The following IQSEC1 variants were observed in gnomAD, a reference collection of about 807,000 sequenced individuals.
The protein encoded by IQSEC1 is IQ motif and SEC7 domain-containing protein 1.
IQSEC1 carries 31 observed loss-of-function variants against 91.0 expected under a neutral mutation model. That is an observed-to-expected ratio of 0.34 (90% CI 0.26 to 0.46). IQSEC1 has a LOEUF of 0.46. Among genes scored for constraint, IQSEC1 ranks in the 20% least tolerant of loss-of-function variants. The probability of loss-of-function intolerance (pLI) is 1.00; values close to 1 mark genes in which losing one functional copy is unlikely to be tolerated. For missense variants in IQSEC1, 1,388 were observed against 1,575.6 expected, an observed-to-expected ratio of 0.88 and a Z score of 2.02; for synonymous variants, 699 against 662.6, an observed-to-expected ratio of 1.05 and a Z score of -0.84.
At chr3:13,029,580 T>C (rs886291075) in intron 1 of IQSEC1, among the ~76,000 whole-genome samples, 2 of 152,262 alleles carry the variant, frequency 1.3e-5, no homozygotes, top group African/African-American at 2.4e-5. Flanking sequence ...CATTTTGTTG[T>C]GCTGAGAGGC....
chr3:13,076,174 A>G (rs1362077294), upstream of IQSEC1, among the ~76,000 whole-genome samples: 2 of 152,202 alleles, frequency 1.3e-5, no homozygotes, highest in East Asian at 3.8e-4. Context: ...GACCCTGGTT[A>G]TATCACAGAA....
chr3:13,243,808 G>T (rs1695063506), intron 1 of IQSEC1, among the ~76,000 whole-genome samples: 1 of 151,938 alleles, frequency 6.6e-6, no homozygotes, highest in Non-Finnish European at 1.5e-5. Context: ...GGGGCGTATG[G>T]CAGAATGGGA....
Position 13,071,143 on chromosome 3 carries a change from G to GTT in IQSEC1, c.23+1847_23+1848dup, listed in dbSNP as rs1553563495. ...AATGTCTGGGGGTGGGACCCACACA[G>GTT]TTTTTTTTTGTTTTTTTTTTTTTGT... is the stretch of plus-strand genomic sequence containing the variant. On this transcript the variant is annotated intron_variant, in intron 1 of 13. Transcript: ENST00000613206. Among the ~76,000 whole-genome samples the GTT allele has an allele frequency of 3.1e-3, 352 of 112,654 alleles. 12 individuals carry two copies. The highest frequency in any genetic ancestry group is 0.017 in the South Asian group (54 of 3,182). 73.9% of individuals were successfully genotyped at this position (112,654 alleles called of 152,430 possible).
intron 1 of IQSEC1, among the ~76,000 whole-genome samples, chr3:12,985,837 T>G (rs993755609): frequency 1.3e-5 from 2 of 152,260 alleles, no homozygotes; most frequent in Admixed American, 1.3e-4. Context: ...ATTTTCATCA[T>G]GGGCCTGTAT....
chr3:13,005,690 A>G (rs1018482785), intron 1 of IQSEC1, among the ~76,000 whole-genome samples: 23 of 152,330 alleles, frequency 1.5e-4, no homozygotes, highest in Admixed American at 1.3e-3. Flanking sequence ...GTGAACATTT[A>G]AATAGCCACC....
intron 1 of IQSEC1, among the ~76,000 whole-genome samples, chr3:13,031,241 C>A (rs942259786): frequency 6.6e-6 from 1 of 152,356 alleles, no homozygotes; most frequent in Admixed American, 6.5e-5. Context: ...GGCCACACAG[C>A]ACATTCTCTC....
At chr3:13,162,918 G>T (rs1054609758) in intron 2 of IQSEC1, among the ~76,000 whole-genome samples, 1 of 147,402 alleles carries the variant, frequency 6.8e-6, no homozygotes, top group Non-Finnish European at 1.5e-5. Flanking sequence ...TATCCCTTTA[G>T]CTCCCACTCT....
At chr3:13,112,144 G>A (rs979980630) in intron 2 of IQSEC1, among the ~76,000 whole-genome samples, 6 of 152,172 alleles carry the variant, frequency 3.9e-5, no homozygotes, top group Admixed American at 3.9e-4. Context: ...CACCTCCCCT[G>A]GAGCCATTCC....
In IQSEC1 at chr3:13,094,572, T is replaced by G. The variant is rs1705923022; in HGVS notation, c.303-47050A>C. The stretch of plus-strand genomic sequence containing the variant: ...TCTCCTCCTGACACCCCCCACCTGG[T>G]GCCAGACCCTGCACTAAGTACTGTT... On this transcript the variant is annotated intron_variant, in intron 2 of 15. Transcript: ENST00000648114. Among the ~76,000 whole-genome samples, 2 of 152,172 alleles carry G rather than the reference T, an allele frequency of 1.3e-5. 1 individual carries two copies. Among genetic ancestry groups the G allele is most frequent in the South Asian group, 4.1e-4 (2 of 4,824 alleles).
intron 2 of IQSEC1, among the ~76,000 whole-genome samples, chr3:13,145,419 G>A (rs568949497): frequency 1.3e-5 from 2 of 152,106 alleles, no homozygotes; most frequent in Non-Finnish European, 2.9e-5. Flanking sequence ...ATCTGCAGTC[G>A]GTACTCATGC....
rs80076217 is a variant in IQSEC1, at chr3:13,043,505, C to T, written c.23+29487G>A. Among the ~76,000 whole-genome samples, 308 of 152,334 alleles carry T rather than the reference C, an allele frequency of 2.0e-3. 2 individuals carry two copies. The highest frequency in any genetic ancestry group is 7.0e-3 in the African/African-American group (290 of 41,570). ...CACTTCCTGCAGCTCCGCTCCTCCT[C>T]GTCAGTCAGGTCCCACTCCAGCACC... On this transcript the variant is annotated intron_variant, in intron 1 of 13. Coordinates refer to ENST00000613206, the MANE Select transcript of IQSEC1 (RefSeq NM_001134382.3).
intron 1 of IQSEC1, among the ~76,000 whole-genome samples, chr3:13,185,678 G>A (rs752389370): frequency 8.5e-5 from 13 of 152,344 alleles, no homozygotes; most frequent in African/African-American, 4.8e-5. Flanking sequence ...TGGGGAACCC[G>A]AGGTTCACAG....
At chr3:13,197,816 C>T (rs2125044125) in intron 1 of IQSEC1, among the ~76,000 whole-genome samples, 1 of 152,330 alleles carries the variant, frequency 6.6e-6, no homozygotes, top group Non-Finnish European at 1.5e-5. Flanking sequence ...CCGAATTAGG[C>T]TTTAGTACAG....
upstream of IQSEC1, among the ~76,000 whole-genome samples, chr3:13,075,752 A>T (rs1705552545): frequency 6.6e-6 from 1 of 152,220 alleles, no homozygotes; most frequent in South Asian, 2.1e-4. Flanking sequence ...ACCCACCTGC[A>T]CTGGCGCGGT....
intron 1 of IQSEC1, among the ~76,000 whole-genome samples, chr3:13,218,808 C>T (rs1014811077): frequency 2.0e-5 from 3 of 152,312 alleles, no homozygotes; most frequent in Admixed American, 6.5e-5. Context: ...CCAGCTTCAG[C>T]ATGACTTCTC....
chr3:12,973,945 G>A (rs761227228), intron 1 of IQSEC1, among the ~76,000 whole-genome samples: 5 of 152,132 alleles, frequency 3.3e-5, no homozygotes, highest in South Asian at 2.1e-4. Flanking sequence ...CCTAAGACCC[G>A]TCGTGGTTTG....
chr3:13,015,708 C>T (rs1482137048), intron 1 of IQSEC1: 10 of 985,276 alleles, frequency 1.0e-5, no homozygotes, highest in East Asian at 1.1e-4. Context: ...CCTGCTCAGT[C>T]GGCATCCAGG....
At chr3:13,169,468 A>T (rs887839043) in intron 1 of IQSEC1, among the ~76,000 whole-genome samples, 5 of 152,234 alleles carry the variant, frequency 3.3e-5, no homozygotes, top group Admixed American at 1.3e-4. Context: ...TGCTGTAGAC[A>T]CCAAAAATGT....
intron 2 of IQSEC1, among the ~76,000 whole-genome samples, chr3:13,149,752 G>T (rs1047939715): frequency 2.0e-5 from 3 of 152,080 alleles, no homozygotes; most frequent in Admixed American, 6.6e-5. Flanking sequence ...CTGCCCCAAG[G>T]CCCAGCCGCA....
Sources: gnomAD v4.1 joint callset for allele counts (sites outside exome capture counted in the v4.1 genomes callset) on GRCh38, gnomAD v4.1.1 for gene constraint, MANE v1.5 for transcripts, NCBI Gene and HGNC (gene_info 2026-07-23, HGNC 2026-07-21) for gene names.